The following CORO2A variants were observed in gnomAD, a reference collection of about 807,000 sequenced individuals.
CORO2A encodes coronin-2A.
In CORO2A, 47 loss-of-function variants were observed where a neutral mutation model predicts 62.4. The observed-to-expected ratio is 0.75, with a 90% CI of 0.60 to 0.96. CORO2A has a LOEUF of 0.96. CORO2A is among the 40% of genes least tolerant of loss of function. The probability of loss-of-function intolerance (pLI) is 0.00; values close to 1 mark genes in which losing one functional copy is unlikely to be tolerated. For synonymous variants in CORO2A, 273 were observed against 268.9 expected (o/e 1.02, Z -0.15); for missense variants, 610 against 684.1 (o/e 0.89, Z 1.21).
chr9:98,178,154 C>T (rs1828133395), intron 1 of CORO2A, among the ~76,000 whole-genome samples: 2 of 152,140 alleles, frequency 1.3e-5, no homozygotes, highest in Admixed American at 1.3e-4. Context: ...TCAAGCAATC[C>T]TCCTGCCTCA....
chr9:98,142,246 G>A (rs566485491), intron 2 of CORO2A, among the ~76,000 whole-genome samples: 4 of 152,318 alleles, frequency 2.6e-5, no homozygotes, highest in Admixed American at 2.6e-4. Flanking sequence ...CCCTCTCTCG[G>A]ACCTCAGACT....
At position 98,122,541 on chromosome 9, in the gene CORO2A, T is replaced by C. The variant is rs1193641933; in HGVS notation, c.*2233A>G. ...CCCAGTCTCTTGGTGGACTATTGTA[T>C]TGACCACTGAACTTTAGAGTAGGGC... On this transcript the variant is annotated 3_prime_UTR_variant, in exon 12 of 12. Transcript: ENST00000375077. 6.6e-6 allele frequency: 1 copy of C among 152,182 alleles called. No individual in the cohort carries two copies. Among genetic ancestry groups the C allele is most frequent in the Non-Finnish European group, 1.5e-5 (1 of 68,036 alleles). The allele number at this position is 152,182 out of a possible 1,614,324, so 9.4% of individuals were successfully genotyped here.
Position 98,129,829 on chromosome 9 carries a change from G to A in CORO2A, c.932C>T (p.Thr311Ile). ...SADKPHLSYL[T>I]EYRSYNPQKG... ...CTGTGGGTTATAGGAGCGGTACTCA[G>A]TCAGGTAGCTCAGGTGAGGCTTGTC... is the stretch of plus-strand genomic sequence containing the variant. The change falls in exon 8 of 12, where the codon ACT becomes ATT. Residue 311 changes from threonine to isoleucine, a missense_variant. Physicochemically the swap from Thr to Ile is moderately conservative, Grantham distance 89 (BLOSUM62 -1). Transcript: ENST00000375077. 1 of 1,614,094 alleles carries A rather than the reference G, an allele frequency of 6.2e-7. No homozygotes were observed. The highest frequency in any genetic ancestry group is 8.5e-7 in the Non-Finnish European group (1 of 1,179,972).
chr9:98,139,444 A>G (rs1026464399), intron 2 of CORO2A, among the ~76,000 whole-genome samples: 1 of 152,104 alleles, frequency 6.6e-6, no homozygotes, highest in Non-Finnish European at 1.5e-5. Context: ...CCTGGTCAAT[A>G]TGGTGAAACC....
chr9:98,171,187 C>T (rs967849887), intron 1 of CORO2A, among the ~76,000 whole-genome samples: 1 of 152,226 alleles, frequency 6.6e-6, no homozygotes, highest in African/African-American at 2.4e-5. Context: ...AGCTTTCAGA[C>T]CTGTCTTTGG....
In CORO2A at chr9:98,134,832, G is replaced by A. The variant is rs149784208; in HGVS notation, c.442C>T (p.Leu148Phe). 1.6e-5 allele frequency: 26 copies of A among 1,613,760 alleles called. No individual in the cohort carries two copies. The highest frequency in any genetic ancestry group is 1.7e-5 in the Admixed American group (1 of 59,966). ...TTGTAGTCATAGCCAGCACTGAAGAGGATGTTGGCGGCCGTGGGGTGCCAC... is the reference window on the plus strand; with the variant it reads ...TTGTAGTCATAGCCAGCACTGAAGAAGATGTTGGCGGCCGTGGGGTGCCAC... Reference protein sequence around the residue: ...VEWHPTAANILFSAGYDYKVM... With the variant: ...VEWHPTAANIFFSAGYDYKVM... The change falls in exon 4 of 12, where the codon CTC (leucine) becomes TTC (phenylalanine). Residue 148 changes from leucine to phenylalanine, a missense_variant. Physicochemically the swap from Leu to Phe is conservative, Grantham distance 22 (BLOSUM62 0). Transcript: ENST00000375077.
At chr9:98,158,509 C>T (rs147928236) in intron 1 of CORO2A, among the ~76,000 whole-genome samples, 98 of 152,258 alleles carry the variant, frequency 6.4e-4, no homozygotes, top group African/African-American at 2.1e-3. Flanking sequence ...TGTGTCTAGG[C>T]CCTGTGCCAG....
At chr9:98,187,282 C>CAA (rs60290184) in intron 1 of CORO2A, among the ~76,000 whole-genome samples, 60 of 66,520 alleles carry the variant, frequency 9.0e-4, no homozygotes, top group African/African-American at 2.4e-3. Context: ...GACTCCATCT[C>CAA]AAAAAAAAAA....
At position 98,128,179 on chromosome 9, in the gene CORO2A, TC is replaced by T; in HGVS notation, c.1161del (p.Met388Ter). 1.2e-6 allele frequency: 2 copies of T among 1,612,854 alleles called. No homozygotes were observed. Among genetic ancestry groups the T allele is most frequent in the Non-Finnish European group, 1.7e-6 (2 of 1,179,286 alleles). The part of the protein sequence containing the change: ...PSLTAQEWLS[G>X]MNRDPILVSL... ...TCTCTGCCTTCCTCACCTCGATTCA[TC>T]CCGCTGAGCCACTCCTGGGCCGTCA... is the stretch of plus-strand genomic sequence containing the variant. On this transcript the variant is annotated frameshift_variant, in exon 10 of 12. Transcript: ENST00000375077. LOFTEE classifies it high-confidence loss of function.
intron 2 of CORO2A, among the ~76,000 whole-genome samples, chr9:98,139,487 C>T (rs759845664): frequency 1.3e-5 from 2 of 152,138 alleles, no homozygotes; most frequent in African/African-American, 2.4e-5. Flanking sequence ...ATTAGCCGGG[C>T]GTGGTGGCAC....
rs553292144 is a variant in CORO2A, at chr9:98,127,280, C to T, written c.1172-457G>A. 2.6e-5 allele frequency among the ~76,000 whole-genome samples: 4 copies of T among 152,320 alleles called. No homozygotes were observed. The South Asian group carries it at 6.2e-4, about 24-fold the overall frequency. On this transcript the variant is annotated intron_variant, in intron 10 of 11. Transcript: ENST00000375077. ...AAGGTTATCCAAAACTAGGACTCGG[C>T]CCTGGTCCGCTGCCCCCCAAGGCAG...
chr9:98,152,519 A>C (rs891217066), intron 2 of CORO2A, among the ~76,000 whole-genome samples: 1 of 152,078 alleles, frequency 6.6e-6, no homozygotes, highest in Non-Finnish European at 1.5e-5. Context: ...CCTGGGCTCA[A>C]GAGATCCACC....
chr9:98,164,889 CT>C (rs1827937777), intron 1 of CORO2A, among the ~76,000 whole-genome samples: 1 of 152,112 alleles, frequency 6.6e-6, no homozygotes, highest in African/African-American at 2.4e-5. Context: ...CAGCGCTAAA[CT>C]GGGGGAAGTC....
chr9:98,160,405 C>G (rs1544204), intron 1 of CORO2A, among the ~76,000 whole-genome samples: 111,680 of 152,108 alleles, frequency 0.73, 42,000 homozygotes, highest in East Asian at 0.97. Context: ...TCAGATTTGG[C>G]TCTGAGCTTC....
At position 98,124,642 on chromosome 9, in the gene CORO2A, G is replaced by T; in HGVS notation, c.*132C>A. 1.1e-6 allele frequency: 1 copy of T among 909,532 alleles called. No individual in the cohort carries two copies. The highest frequency in any genetic ancestry group is 1.5e-6 in the Non-Finnish European group (1 of 656,254). The allele number at this position is 909,532 out of a possible 1,614,324, so 56.3% of individuals were successfully genotyped here. A position where few individuals can be genotyped will look rare whatever the true frequency, so the allele number is the denominator to read the frequency against. On this transcript the variant is annotated 3_prime_UTR_variant, in exon 12 of 12. Coordinates refer to ENST00000375077, the MANE Select transcript of CORO2A (RefSeq NM_052820.4). ...ATGTCCCACTGGAATCTCTTTCAGC[G>T]ATGGAGAGTTTTGTTTTCTGGTAAA...
intron 1 of CORO2A, among the ~76,000 whole-genome samples, chr9:98,171,622 A>T (rs1218746044): frequency 1.3e-5 from 2 of 152,082 alleles, no homozygotes; most frequent in African/African-American, 4.8e-5. Context: ...CCCCGGGAGG[A>T]TACGACTGAG....
intron 1 of CORO2A, among the ~76,000 whole-genome samples, chr9:98,191,173 A>G (rs912566242): frequency 2.0e-5 from 3 of 152,242 alleles, no homozygotes; most frequent in Non-Finnish European, 4.4e-5. Context: ...GGCAGGCATC[A>G]GGGAGGTGGA....
chr9:98,187,966 C>T (rs978805015), intron 1 of CORO2A, among the ~76,000 whole-genome samples: 2 of 152,156 alleles, frequency 1.3e-5, no homozygotes, highest in African/African-American at 4.8e-5. Flanking sequence ...ATTGGAAAAG[C>T]GGGATAAAAA....
rs115432048 is a variant in CORO2A at position 98,123,562 on chromosome 9, G to A, written c.*1212C>T. On this transcript the variant is annotated 3_prime_UTR_variant, in exon 12 of 12. Transcript: ENST00000375077. ...CCAGGCTGCAGTGCAGTCCGCAATC[G>A]TGGCTCATAGCAACCTCCACCTCCC... The A allele has an allele frequency of 0.012, 1,763 of 148,678 alleles. 38 individuals are homozygous for A. Among genetic ancestry groups the A allele is most frequent in the African/African-American group, 0.042 (1,666 of 39,968 alleles). The allele number at this position is 148,678 out of a possible 1,614,324, so 9.2% of individuals were successfully genotyped here. A position where few individuals can be genotyped will look rare whatever the true frequency, so the allele number is the denominator to read the frequency against.
Sources: gnomAD v4.1 joint callset for allele counts (sites outside exome capture counted in the v4.1 genomes callset) on GRCh38, gnomAD v4.1.1 for gene constraint, MANE v1.5 for transcripts, NCBI Gene and HGNC (gene_info 2026-07-23, HGNC 2026-07-21) for gene names.